ANXA4: variants seen among roughly 807,000 people sequenced by gnomAD.
ANXA4 encodes 35-beta calcimedin.
ANXA4 carries 39 observed loss-of-function variants against 49.8 expected under a neutral mutation model. That is an observed-to-expected ratio of 0.78 (90% CI 0.61 to 1.02). The LOEUF is 1.02. ANXA4 is among the 50% of genes least tolerant of loss of function. The probability of loss-of-function intolerance (pLI) is 0.00; values close to 1 mark genes in which losing one functional copy is unlikely to be tolerated. For synonymous variants in ANXA4, 134 were observed against 152.5 expected (o/e 0.88, Z 0.89); for missense variants, 360 against 410.1 (o/e 0.88, Z 1.05).
intron 2 of ANXA4, among the ~76,000 whole-genome samples, chr2:69,660,230 T>C (rs550760526): frequency 6.6e-6 from 1 of 152,328 alleles, no homozygotes; most frequent in South Asian, 2.1e-4. Flanking sequence ...CTTTGCTTAA[T>C]ACTCTCTTTG....
chr2:69,731,939 C>T (rs1317084494), intron 3 of ANXA4, among the ~76,000 whole-genome samples: 1 of 151,008 alleles, frequency 6.6e-6, no homozygotes, highest in Non-Finnish European at 1.5e-5. Context: ...ACAGAAATAC[C>T]AAATGCTGAT....
chr2:69,710,239 C>A (rs1456024432), intron 2 of ANXA4, among the ~76,000 whole-genome samples: 1 of 152,084 alleles, frequency 6.6e-6, no homozygotes. Context: ...CCCACTTCGG[C>A]CTCCCAAAGT....
At chr2:69,704,598 A>G (rs1288109505) in intron 2 of ANXA4, among the ~76,000 whole-genome samples, 2 of 152,194 alleles carry the variant, frequency 1.3e-5, no homozygotes, top group African/African-American at 4.8e-5. Context: ...GTTTCTCATC[A>G]TGCCGCGGGC....
chr2:69,784,671 G>A (rs1015044262), intron 2 of ANXA4, among the ~76,000 whole-genome samples: 5 of 152,208 alleles, frequency 3.3e-5, no homozygotes, highest in Admixed American at 3.3e-4. Flanking sequence ...TAGTAGAAAT[G>A]TATTGCCTCA....
intron 2 of ANXA4, among the ~76,000 whole-genome samples, chr2:69,700,743 T>C (rs1339179594): frequency 1.3e-5 from 2 of 152,270 alleles, no homozygotes; most frequent in African/African-American, 2.4e-5. Context: ...TTGTTGGGCA[T>C]TTAAGCTGTT....
At chr2:69,715,976 G>A (rs1282791261) in intron 2 of ANXA4, among the ~76,000 whole-genome samples, 10 of 152,186 alleles carry the variant, frequency 6.6e-5, no homozygotes, top group South Asian at 6.2e-4. Context: ...CTGGGCACAC[G>A]TCACCAGCCA....
At position 69,825,541 on chromosome 2, in the gene ANXA4, G is replaced by A. The variant is rs1024748590; in HGVS notation, c.*26G>A. On this transcript the variant is annotated 3_prime_UTR_variant, in exon 13 of 13. Coordinates refer to ENST00000394295, the MANE Select transcript of ANXA4 (RefSeq NM_001153.5). The stretch of plus-strand genomic sequence containing the variant: ...AATAAAAATCCCAGAAGGACAGGAG[G>A]ATTCTCAACACTTTGAATTTTTTTA... 6.4e-7 allele frequency: 1 copy of A among 1,568,162 alleles called. No homozygotes were observed. Among genetic ancestry groups the A allele is most frequent in the Non-Finnish European group, 8.7e-7 (1 of 1,153,136 alleles).
chr2:69,731,166 C>G (rs181229217), intron 3 of ANXA4, among the ~76,000 whole-genome samples: 1 of 152,208 alleles, frequency 6.6e-6, no homozygotes, highest in Non-Finnish European at 1.5e-5. Flanking sequence ...ATGTTTGAGA[C>G]TTATTTCCTG....
At chr2:69,808,027 G>A in intron 6 of ANXA4, 31 bp downstream of exon 6, 1 of 1,602,080 alleles carries the variant, frequency 6.2e-7, no homozygotes. Flanking sequence ...CCCTGGCTGA[G>A]GTTTCGCTGT....
chr2:69,721,910 A>G (rs1669821263), intron 3 of ANXA4, among the ~76,000 whole-genome samples: 1 of 152,204 alleles, frequency 6.6e-6, no homozygotes, highest in African/African-American at 2.4e-5. Context: ...TAGGATGAAA[A>G]TGGAATTGAA....
chr2:69,702,486 C>A (rs1448034424), intron 2 of ANXA4, among the ~76,000 whole-genome samples: 1 of 152,010 alleles, frequency 6.6e-6, no homozygotes, highest in Non-Finnish European at 1.5e-5. Flanking sequence ...ACTTGGGAGG[C>A]GGAGGTGGGT....
At chr2:69,690,364 A>G (rs1400999612) in intron 2 of ANXA4, among the ~76,000 whole-genome samples, 1 of 152,016 alleles carries the variant, frequency 6.6e-6, no homozygotes, top group South Asian at 2.1e-4. Flanking sequence ...TCAGCCTCCC[A>G]AGTAGCTGGG....
chr2:69,807,678 G>A (rs1257700035), intron 5 of ANXA4, among the ~76,000 whole-genome samples: 2 of 152,196 alleles, frequency 1.3e-5, no homozygotes, highest in Non-Finnish European at 2.9e-5. Context: ...CCCGGGCACA[G>A]TAACGAACAC....
intron 3 of ANXA4, among the ~76,000 whole-genome samples, chr2:69,731,381 T>TCTA (rs764564542): frequency 3.3e-4 from 50 of 152,316 alleles, no homozygotes; most frequent in Admixed American, 2.6e-3. Flanking sequence ...AGCTGAAAGC[T>TCTA]CTACTACAAA....
chr2:69,656,403 ATATATATG>A lies in ANXA4; in HGVS notation n.766+3129_766+3136del, dbSNP rs1559046930. The stretch of plus-strand genomic sequence containing the variant: ...TGTATATATATGTGTATATATATGT[ATATATATG>A]TATATATATATGTGTGTGTATATAT... On this transcript the variant is annotated intron_variant and non_coding_transcript_variant, in intron 2 of 3. Transcript: ENST00000418066. Among the ~76,000 whole-genome samples, 118 of 113,622 alleles carry A rather than the reference ATATATATG, an allele frequency of 1.0e-3. 6 individuals are homozygous for A. Among genetic ancestry groups the A allele is most frequent in the African/African-American group, 3.7e-3 (115 of 31,364 alleles). 74.5% of individuals were successfully genotyped at this position (113,622 alleles called of 152,430 possible).
At chr2:69,690,248 T>G (rs1677916114) in intron 2 of ANXA4, among the ~76,000 whole-genome samples, 1 of 152,174 alleles carries the variant, frequency 6.6e-6, no homozygotes, top group Non-Finnish European at 1.5e-5. Flanking sequence ...TTTATTTATT[T>G]ATTTATTTGA....
chr2:69,669,836 G>A (rs1677095101), intron 2 of ANXA4, among the ~76,000 whole-genome samples: 3 of 151,966 alleles, frequency 2.0e-5, no homozygotes, highest in Admixed American at 1.3e-4. Flanking sequence ...TCAGGAGCAG[G>A]CACATCTAAT....
intron 3 of ANXA4, among the ~76,000 whole-genome samples, chr2:69,792,717 T>C (rs951902967): frequency 1.3e-5 from 2 of 152,250 alleles, no homozygotes; most frequent in Non-Finnish European, 2.9e-5. Context: ...AAACATCTTT[T>C]ACTGTTTTTA....
intron 3 of ANXA4, among the ~76,000 whole-genome samples, chr2:69,734,217 C>A (rs992235635): frequency 2.6e-5 from 4 of 152,206 alleles, no homozygotes; most frequent in South Asian, 2.1e-4. Flanking sequence ...TCCTCACTGG[C>A]CAGCAGCCAG....
Sources: allele counts gnomAD v4.1 joint callset (sites outside exome capture counted in the v4.1 genomes callset), GRCh38; gene constraint gnomAD v4.1.1; transcripts MANE v1.5; gene names NCBI Gene and HGNC (gene_info 2026-07-23, HGNC 2026-07-21).